Variants in TFRC observed in about 807,000 individuals in gnomAD.
The protein encoded by TFRC is transferrin receptor protein 1.
Under a neutral mutation model 85.8 loss-of-function variants are expected in TFRC, and 35 were observed. The observed-to-expected ratio is 0.41, with a 90% CI of 0.31 to 0.54. The LOEUF (loss-of-function observed/expected upper bound fraction) is 0.54. TFRC is among the 20% of genes least tolerant of loss of function. The pLI, the probability that TFRC is intolerant of heterozygous loss-of-function variation, is 0.31. For synonymous variants in TFRC, 362 were observed against 328.6 expected (o/e 1.10, Z -1.10); for missense variants, 828 against 921.5 (o/e 0.90, Z 1.31).
intron 10 of TFRC, 125 bp from the exon 11 acceptor site, chr3:196,064,553 C>G: frequency 1.2e-6 from 1 of 801,704 alleles, no homozygotes; most frequent in Non-Finnish European, 1.7e-6. Flanking sequence ...AGCCTTACTT[C>G]AAATCTGACT....
chr3:196,077,909 G>A (rs1217300623), intron 1 of TFRC, among the ~76,000 whole-genome samples: 1 of 152,004 alleles, frequency 6.6e-6, no homozygotes, highest in African/African-American at 2.4e-5. Context: ...TTCGATCTTT[G>A]ACACAAGAAG....
In TFRC at chr3:196,064,357, C is replaced by T. The variant is rs762469725; in HGVS notation, c.1270G>A (p.Ala424Thr). 1.9e-6 allele frequency: 3 copies of T among 1,613,874 alleles called. No homozygotes were observed. Among genetic ancestry groups the T allele is most frequent in the East Asian group, 2.2e-5 (1 of 44,848 alleles). The change falls in exon 11 of 19, where the codon GCT becomes ACT. Residue 424 changes from alanine (A) to threonine (T), a missense_variant. Ala to Thr is a moderately conservative substitution (Grantham distance 58). Coordinates refer to ENST00000360110, the MANE Select transcript of TFRC (RefSeq NM_001128148.3). ...PGAAKSGVGT[A>T]LLLKLAQMFS... Reference sequence around the variant, plus strand: ...ATCTGGGCAAGTTTCAATAGGAGAGCTGTGCCTACACCGGATTTTGCAGCT... The same window carrying T: ...ATCTGGGCAAGTTTCAATAGGAGAGTTGTGCCTACACCGGATTTTGCAGCT...
chr3:196,078,754 G>A (rs958351193), intron 1 of TFRC, among the ~76,000 whole-genome samples: 4 of 151,932 alleles, frequency 2.6e-5, no homozygotes, highest in African/African-American at 9.7e-5. Flanking sequence ...ATATGCAATA[G>A]ACCATATTCT....
At chr3:196,065,119 A>G (rs1424258903) in intron 10 of TFRC, among the ~76,000 whole-genome samples, 2 of 151,856 alleles carry the variant, frequency 1.3e-5, no homozygotes, top group Admixed American at 1.3e-4. Context: ...AAAATTAGCC[A>G]GGCGTGGTGG....
At position 196,060,199 on chromosome 3, in the gene TFRC, A is replaced by G. The variant is rs780604757; in HGVS notation, c.1517T>C (p.Ile506Thr). The G allele has an allele frequency of 6.2e-6, 10 of 1,613,840 alleles. No individual in the cohort carries two copies. Among genetic ancestry groups the G allele is most frequent in the African/African-American group, 1.3e-5 (1 of 74,916 alleles). The change falls in exon 14 of 19, where the codon ATT becomes ACT. Residue 506 changes from isoleucine to threonine, a missense_variant. Ile to Thr is a moderately conservative substitution (Grantham distance 89). Coordinates refer to ENST00000360110, the MANE Select transcript of TFRC (RefSeq NM_001128148.3). Reference sequence around the variant, plus strand: ...ACTCACATTTTGCATTGTTTTCTCAATAAGCGTATACAACAGTGGGCTGGC... The same window carrying G: ...ACTCACATTTTGCATTGTTTTCTCAGTAAGCGTATACAACAGTGGGCTGGC... ...VSASPLLYTL[I>T]EKTMQNVKHP...
In TFRC at chr3:196,065,482, G is replaced by C. The variant is rs1191961462; in HGVS notation, c.1159C>G (p.Leu387Val). ...VSNVLKEIKI[L>V]NIFGVIKGFV... Reference sequence around the variant, plus strand: ...CCTTTAATAACTCCAAAGATGTTAAGAATTTTTATCTCTTTCAGCACATTG... The same window carrying C: ...CCTTTAATAACTCCAAAGATGTTAACAATTTTTATCTCTTTCAGCACATTG... Residue 387 changes from leucine to valine, a missense_variant, in exon 10 of 19, where the codon CTT becomes GTT. Physicochemically the swap from Leu to Val is conservative, Grantham distance 32. Coordinates refer to ENST00000360110, the MANE Select transcript of TFRC (RefSeq NM_001128148.3). 6.8e-7 allele frequency: 1 copy of C among 1,461,096 alleles called. No individual in the cohort carries two copies. The highest frequency in any genetic ancestry group is 9.2e-7 in the Non-Finnish European group (1 of 1,090,086). 90.5% of individuals were successfully genotyped at this position (1,461,096 alleles called of 1,614,324 possible).
intron 1 of TFRC, among the ~76,000 whole-genome samples, chr3:196,078,594 T>C (rs1036839609): frequency 6.7e-6 from 1 of 149,750 alleles, no homozygotes; most frequent in African/African-American, 2.5e-5. Flanking sequence ...GAGGTGGAGG[T>C]TGCAGTGAGC....
chr3:196,066,358 C>G (rs575442048), intron 9 of TFRC, among the ~76,000 whole-genome samples: 3 of 151,838 alleles, frequency 2.0e-5, no homozygotes. Flanking sequence ...TTTGGAAGGC[C>G]GAGGCAGAAT....
In TFRC at chr3:196,060,160, G is replaced by C. The variant is rs750247801; in HGVS notation, c.1536+20C>G. The C allele has an allele frequency of 1.3e-6, 2 of 1,588,998 alleles. No individual in the cohort carries two copies. Among genetic ancestry groups the C allele is most frequent in the African/African-American group, 1.4e-5 (1 of 73,950 alleles). On this transcript the variant is annotated intron_variant, in intron 14 of 18. Coordinates refer to ENST00000360110, the MANE Select transcript of TFRC (RefSeq NM_001128148.3). ...AACAAAAATTAAGTCATACATTTTT[G>C]TAATGAGGTATATACTCACATTTTG...
intron 4 of TFRC, 41 bp downstream of exon 4, chr3:196,073,881 TAATTCTTG>T (rs1365245745): frequency 1.3e-6 from 2 of 1,565,512 alleles, no homozygotes; most frequent in African/African-American, 2.7e-5. Flanking sequence ...TGGCCTATCA[TAATTCTTG>T]AATTACTTGT....
chr3:196,052,265 G>A, intron 18 of TFRC, 81 bp from the exon 19 acceptor site: 1 of 1,128,402 alleles, frequency 8.9e-7, no homozygotes, highest in East Asian at 2.8e-5. Context: ...AATGTAAAAT[G>A]TCCCAAATTT....
intron 4 of TFRC, 53 bp from the exon 5 acceptor site, chr3:196,072,205 T>C: frequency 6.3e-7 from 1 of 1,593,080 alleles, no homozygotes; most frequent in African/African-American, 1.4e-5. Flanking sequence ...AAAATAAACA[T>C]TTAAGTCAAG....
At chr3:196,058,493 G>C in intron 15 of TFRC, 81 bp downstream of exon 15, 1 of 1,495,540 alleles carries the variant, frequency 6.7e-7, no homozygotes, top group Non-Finnish European at 9.2e-7. Flanking sequence ...TCAATGCAAG[G>C]ACAGATTTAG....
Position 196,064,317 on chromosome 3 carries a change from A to C in TFRC, c.1310T>G (p.Val437Gly), listed in dbSNP as rs746028774. 1 of 1,610,468 alleles carries C rather than the reference A, an allele frequency of 6.2e-7. No homozygotes were observed. Among genetic ancestry groups the C allele is most frequent in the Non-Finnish European group, 8.5e-7 (1 of 1,179,014 alleles). ...CAAAATTTGTACTCTACCTTTTAAG[A>C]CCATATCTGAGAACATCTGGGCAAG... ...LKLAQMFSDM[V>G]LKDGFQPSRS... is the part of the protein sequence containing the mutation. Residue 437 changes from valine to glycine, a missense_variant, in exon 11 of 19, where the codon GTC (valine) becomes GGC (glycine). Physicochemically the swap from Val to Gly is moderately radical, Grantham distance 109. Transcript: ENST00000360110.
intron 18 of TFRC, 32 bp from the exon 19 acceptor site, chr3:196,052,216 A>G: frequency 2.5e-6 from 4 of 1,600,542 alleles, no homozygotes; most frequent in South Asian, 1.1e-5. Flanking sequence ...CAATTTACAC[A>G]GCCCTGTGAC....
At position 196,050,962 on chromosome 3, in the gene TFRC, G is replaced by A. The variant is rs1161768366; in HGVS notation, c.*980C>T. 1 of 200,194 alleles carries A rather than the reference G, an allele frequency of 5.0e-6. No individual in the cohort carries two copies. The highest frequency in any genetic ancestry group is 1.0e-5 in the Non-Finnish European group (1 of 97,048). The allele number at this position is 200,194 out of a possible 1,614,324, so 12.4% of individuals were successfully genotyped here. A position where few individuals can be genotyped will look rare whatever the true frequency, so the allele number is the denominator to read the frequency against. ...ATGCTGCTTTTATTTAAAAAAAACC[G>A]ACAGTATAACTGTCATAATTATGGA... On this transcript the variant is annotated 3_prime_UTR_variant, in exon 19 of 19. Coordinates refer to ENST00000360110, the MANE Select transcript of TFRC (RefSeq NM_001128148.3).
chr3:196,075,705 G>A (rs116098261), intron 2 of TFRC, among the ~76,000 whole-genome samples: 40 of 152,006 alleles, frequency 2.6e-4, no homozygotes, highest in African/African-American at 9.2e-4. Flanking sequence ...CTGGGACTAG[G>A]GGCACAAATC....
At chr3:196,072,648 T>C (rs1718306820) in intron 4 of TFRC, among the ~76,000 whole-genome samples, 2 of 152,034 alleles carry the variant, frequency 1.3e-5, no homozygotes, top group African/African-American at 4.8e-5. Flanking sequence ...TAAGGTCTGG[T>C]GTACAGTAAA....
At chr3:196,073,526 AAGG>A (rs1718407751) in intron 4 of TFRC, among the ~76,000 whole-genome samples, 1 of 152,158 alleles carries the variant, frequency 6.6e-6, no homozygotes, top group African/African-American at 2.4e-5. Context: ...ACCCATGATC[AAGG>A]AGATGAAAAA....
Sources: allele counts gnomAD v4.1 joint callset (sites outside exome capture counted in the v4.1 genomes callset), GRCh38; gene constraint gnomAD v4.1.1; transcripts MANE v1.5; gene names NCBI Gene and HGNC (gene_info 2026-07-23, HGNC 2026-07-21).